Variants in PRR15 observed in about 807,000 individuals in gnomAD.
The protein encoded by PRR15 is proline rich 15.
PRR15 carries 4 observed loss-of-function variants against 3.0 expected under a neutral mutation model. The observed-to-expected ratio is 1.34, with a 90% CI of 0.66 to 3.08. The LOEUF (loss-of-function observed/expected upper bound fraction) is 3.08. Ranked by LOEUF, PRR15 falls within the 30% of genes most tolerant of loss-of-function variation. The probability of loss-of-function intolerance (pLI) is 0.01; values close to 1 mark genes in which losing one functional copy is unlikely to be tolerated. For synonymous variants in PRR15, 82 were observed against 79.8 expected (o/e 1.03, Z -0.14); for missense variants, 200 against 179.5 (o/e 1.11, Z -0.65).
rs1792897491 is a variant in PRR15, at chr7:29,566,187, C to T, written c.-143C>T. 4 of 1,011,164 alleles carry T rather than the reference C, an allele frequency of 4.0e-6. No individual in the cohort carries two copies. In the Admixed American group the frequency reaches 1.2e-4, roughly 29 times the overall value. The allele number at this position is 1,011,164 out of a possible 1,614,324, so 62.6% of individuals were successfully genotyped here. On this transcript the variant is annotated splice_region_variant and 5_prime_UTR_variant, in exon 2 of 2. Coordinates refer to ENST00000319694, the MANE Select transcript of PRR15 (RefSeq NM_175887.3). The stretch of plus-strand genomic sequence containing the variant: ...CCAAGTTTTGTTTTCTTCCCCAGCA[C>T]AGGCCGCTGCCTCAGCATCCACCCC...
At position 29,565,066 on chromosome 7, in the gene PRR15, G is replaced by T. The variant is rs1401052733; in HGVS notation, c.-146+689G>T. ...CGGAAACCTGGAAGTGAGCCGCGGC[G>T]CAGGCGAATCCTGCCGTTGCTGGTG... On this transcript the variant is annotated intron_variant, in intron 1 of 1. Coordinates refer to ENST00000319694, the MANE Select transcript of PRR15 (RefSeq NM_175887.3). Among the ~76,000 whole-genome samples the T allele has an allele frequency of 9.6e-5, 4 of 41,852 alleles. No homozygotes were observed. The Admixed American group carries it at 1.2e-3, about 12-fold the overall frequency. The allele number at this position is 41,852 out of a possible 152,430, so 27.5% of individuals were successfully genotyped here. A position where few individuals can be genotyped will look rare whatever the true frequency, so the allele number is the denominator to read the frequency against.
Position 29,566,356 on chromosome 7 carries a change from C to A in PRR15, c.27C>A (p.Ser9Arg). Residue 9 changes from serine (S) to arginine (R), a missense_variant, in exon 2 of 2, where the codon AGC becomes AGA. Coordinates refer to ENST00000319694, the MANE Select transcript of PRR15 (RefSeq NM_175887.3). ...TGGCCGACAGCGGCGATGCTGGCAGCTCCGGCCCCTGGTGGAAATCGCTCA... is the reference window on the plus strand; with the variant it reads ...TGGCCGACAGCGGCGATGCTGGCAGATCCGGCCCCTGGTGGAAATCGCTCA... Reference protein sequence around the residue: MADSGDAGSSGPWWKSLTN... With the variant: MADSGDAGRSGPWWKSLTN... The A allele has an allele frequency of 6.2e-7, 1 of 1,609,416 alleles. No homozygotes were observed.
At position 29,566,991 on chromosome 7, in the gene PRR15, CA is replaced by C. The variant is rs1792927305; in HGVS notation, c.*277del. On this transcript the variant is annotated 3_prime_UTR_variant, in exon 2 of 2. Coordinates refer to ENST00000319694, the MANE Select transcript of PRR15 (RefSeq NM_175887.3). The stretch of plus-strand genomic sequence containing the variant: ...GAGGGTGGCATAATTATTTTTTTTT[CA>C]AAAAGCTATTCTGGGGCCCTGGCCC... The C allele has an allele frequency of 2.9e-6, 1 of 345,232 alleles. No individual in the cohort carries two copies. The highest frequency in any genetic ancestry group is 5.4e-6 in the Non-Finnish European group (1 of 185,622). The allele number at this position is 345,232 out of a possible 1,614,324, so 21.4% of individuals were successfully genotyped here. A position where few individuals can be genotyped will look rare whatever the true frequency, so the allele number is the denominator to read the frequency against.
At chr7:29,564,426 CG>C in intron 1 of PRR15, 49 bp downstream of exon 1, 1 of 152,388 alleles carries the variant, frequency 6.6e-6, no homozygotes, top group South Asian at 2.1e-4. Flanking sequence ...AGCCTGGCCC[CG>C]GGGGTCACCC....
Position 29,567,091 on chromosome 7 carries a change from T to C in PRR15, c.*372T>C, listed in dbSNP as rs997787623. On this transcript the variant is annotated 3_prime_UTR_variant, in exon 2 of 2. Coordinates refer to ENST00000319694, the MANE Select transcript of PRR15 (RefSeq NM_175887.3). ...AGAAGGTGGCTGTTATTTAGGACTC[T>C]GTGGAAAGCAAATCACAGTGCTGTT... is the stretch of plus-strand genomic sequence containing the variant. 9.6e-6 allele frequency: 2 copies of C among 208,138 alleles called. No individual in the cohort carries two copies. The highest frequency in any genetic ancestry group is 6.0e-5 in the Admixed American group (1 of 16,598). 12.9% of individuals were successfully genotyped at this position (208,138 alleles called of 1,614,324 possible).
chr7:29,566,744 A>T lies in PRR15; in HGVS notation c.*25A>T, dbSNP rs1321442733. 6.6e-7 allele frequency: 1 copy of T among 1,523,004 alleles called. No individual in the cohort carries two copies. Among genetic ancestry groups the T allele is most frequent in the Admixed American group, 2.0e-5 (1 of 50,040 alleles). The allele number at this position is 1,523,004 out of a possible 1,614,324, so 94.3% of individuals were successfully genotyped here. On this transcript the variant is annotated 3_prime_UTR_variant, in exon 2 of 2. Coordinates refer to ENST00000319694, the MANE Select transcript of PRR15 (RefSeq NM_175887.3). ...GCCCCAATAGCCTGCGCGCTCCAGG[A>T]CTGCCTACCCAGCACTACCCCAAAC... is the stretch of plus-strand genomic sequence containing the variant.
At chr7:29,565,504 C>G (rs1378568068) in intron 1 of PRR15, 2 of 152,172 alleles carry the variant, frequency 1.3e-5, no homozygotes, top group Non-Finnish European at 2.9e-5. Flanking sequence ...TCTAGACATG[C>G]TTCTTTGAAA....
rs1446107043 is a variant in PRR15, at chr7:29,566,340, G to C, written c.11G>C (p.Ser4Thr). MAD[S>T]GDAGSSGPWW... Reference sequence around the variant, plus strand: ...CTAGGCCCTCCGGCCATGGCCGACAGCGGCGATGCTGGCAGCTCCGGCCCC... The same window carrying C: ...CTAGGCCCTCCGGCCATGGCCGACACCGGCGATGCTGGCAGCTCCGGCCCC... The change falls in exon 2 of 2, where the codon AGC becomes ACC. Residue 4 changes from serine to threonine, a missense_variant. Ser to Thr is a moderately conservative substitution (Grantham distance 58, BLOSUM62 1). Transcript: ENST00000319694. The C allele has an allele frequency of 6.2e-7, 1 of 1,608,026 alleles. No homozygotes were observed. The highest frequency in any genetic ancestry group is 8.5e-7 in the Non-Finnish European group (1 of 1,179,394).
intron 1 of PRR15, among the ~76,000 whole-genome samples, chr7:29,565,908 C>CCACTG (rs923694249): frequency 6.6e-6 from 1 of 152,212 alleles, no homozygotes; most frequent in Non-Finnish European, 1.5e-5. Context: ...GGCACGCTGA[C>CCACTG]CACTGCACTG....
intron 1 of PRR15, 70 bp from the exon 2 acceptor site, chr7:29,566,115 G>A (rs1372232968): frequency 1.6e-6 from 1 of 615,024 alleles, no homozygotes; most frequent in Non-Finnish European, 2.8e-6. Flanking sequence ...CAGCATAAGG[G>A]AGGAAAGGGG....
In PRR15 at chr7:29,566,432, G is replaced by A; in HGVS notation, c.103G>A (p.Ala35Thr). The change falls in exon 2 of 2, where the codon GCC becomes ACC. Residue 35 changes from alanine to threonine, a missense_variant. Physicochemically the swap from Ala to Thr is moderately conservative, Grantham distance 58 (BLOSUM62 0). Coordinates refer to ENST00000319694, the MANE Select transcript of PRR15 (RefSeq NM_175887.3). ...AGCCGCAGTGGGGGTGCCGCCTCCC[G>A]CCCAGCCCGCTCCCGGGGAGCCCAC... ...KEAAVGVPPP[A>T]QPAPGEPTPP... is the part of the protein sequence containing the mutation. The A allele has an allele frequency of 2.5e-6, 4 of 1,606,104 alleles. No individual in the cohort carries two copies. The highest frequency in any genetic ancestry group is 2.5e-6 in the Non-Finnish European group (3 of 1,176,752).
rs942417139 is a variant in PRR15, at chr7:29,566,410, C to A, written c.81C>A (p.Ala27=). The change falls in exon 2 of 2, where the codon GCC becomes GCA. Residue 27 remains alanine, a synonymous_variant. Transcript: ENST00000319694. ...ACAGCAGAAAGAAAAGCAAGGAAGC[C>A]GCAGTGGGGGTGCCGCCTCCCGCCC... ...LTNSRKKSKE[A]AVGVPPPAQP... 8.7e-6 allele frequency: 14 copies of A among 1,610,088 alleles called. No individual in the cohort carries two copies. Among genetic ancestry groups the A allele is most frequent in the Non-Finnish European group, 1.1e-5 (13 of 1,178,824 alleles).
chr7:29,563,984 T>A lies in PRR15; in HGVS notation c.-539T>A, dbSNP rs899490867. 3 of 152,222 alleles carry A rather than the reference T, an allele frequency of 2.0e-5. No homozygotes were observed. Among genetic ancestry groups the A allele is most frequent in the African/African-American group, 7.2e-5 (3 of 41,442 alleles). The allele number at this position is 152,222 out of a possible 1,614,324, so 9.4% of individuals were successfully genotyped here. A position where few individuals can be genotyped will look rare whatever the true frequency, so the allele number is the denominator to read the frequency against. On this transcript the variant is annotated 5_prime_UTR_variant, in exon 1 of 2. Coordinates refer to ENST00000319694, the MANE Select transcript of PRR15 (RefSeq NM_175887.3). Reference sequence around the variant, plus strand: ...CGGAGTGAACAGCCAGGGTCCCATCTCTCAGCCGGCTCCCGGGCGGTGCTA... The same window carrying A: ...CGGAGTGAACAGCCAGGGTCCCATCACTCAGCCGGCTCCCGGGCGGTGCTA...
In PRR15 at chr7:29,566,354, A is replaced by G. The variant is rs1792903428; in HGVS notation, c.25A>G (p.Ser9Gly). The change falls in exon 2 of 2, where the codon AGC becomes GGC. Residue 9 changes from serine to glycine, a missense_variant. Physicochemically the swap from Ser to Gly is moderately conservative, Grantham distance 56 (BLOSUM62 0). Transcript: ENST00000319694. ...CATGGCCGACAGCGGCGATGCTGGC[A>G]GCTCCGGCCCCTGGTGGAAATCGCT... MADSGDAG[S>G]SGPWWKSLTN... 1 of 1,609,290 alleles carries G rather than the reference A, an allele frequency of 6.2e-7. No homozygotes were observed. Among genetic ancestry groups the G allele is most frequent in the African/African-American group, 1.3e-5 (1 of 74,902 alleles).
At chr7:29,565,383 A>T (rs1192472609) in intron 1 of PRR15, 3 of 152,182 alleles carry the variant, frequency 2.0e-5, no homozygotes, top group Non-Finnish European at 4.4e-5. Flanking sequence ...AGGCCATTTG[A>T]TACTTGGCTT....
At position 29,566,655 on chromosome 7, in the gene PRR15, C is replaced by T. The variant is rs867479231; in HGVS notation, c.326C>T (p.Pro109Leu). ...AGGAAAGTGCGCGCCACGCTGCTCC[C>T]GGAGGCGGGCAGGTCCCCGGAGGAG... Reference protein sequence around the residue: ...EKRKVRATLLPEAGRSPEEAG... With the variant: ...EKRKVRATLLLEAGRSPEEAG... Residue 109 changes from proline (P) to leucine (L), a missense_variant, in exon 2 of 2, where the codon CCG becomes CTG. Physicochemically the swap from Pro to Leu is moderately conservative, Grantham distance 98 (BLOSUM62 -3). Coordinates refer to ENST00000319694, the MANE Select transcript of PRR15 (RefSeq NM_175887.3). The T allele has an allele frequency of 5.8e-5, 92 of 1,581,830 alleles. No homozygotes were observed. The highest frequency in any genetic ancestry group is 7.8e-5 in the Non-Finnish European group (91 of 1,164,516).
chr7:29,565,597 T>C (rs1174951973), intron 1 of PRR15: 1 of 152,220 alleles, frequency 6.6e-6, no homozygotes, highest in Non-Finnish European at 1.5e-5. Context: ...CCTACTGGGA[T>C]ATAAATTCTC....
In PRR15 at chr7:29,565,401, A is replaced by T. The variant is rs1792872794; in HGVS notation, c.-145-784A>T. 7 of 152,360 alleles carry T rather than the reference A, an allele frequency of 4.6e-5. No individual in the cohort carries two copies. The South Asian group carries it at 1.5e-3, about 32-fold the overall frequency. 9.4% of individuals were successfully genotyped at this position (152,360 alleles called of 1,614,324 possible). Reference sequence around the variant, plus strand: ...CCATTTGATACTTGGCTTCATCTCAACCGTCAGCCGGGGGTGACTTCAAAC... The same window carrying T: ...CCATTTGATACTTGGCTTCATCTCATCCGTCAGCCGGGGGTGACTTCAAAC... On this transcript the variant is annotated intron_variant, in intron 1 of 1. Coordinates refer to ENST00000319694, the MANE Select transcript of PRR15 (RefSeq NM_175887.3).
Position 29,566,803 on chromosome 7 carries a change from C to A in PRR15, c.*84C>A. The A allele has an allele frequency of 7.6e-7, 1 of 1,313,304 alleles. No homozygotes were observed. Among genetic ancestry groups the A allele is most frequent in the Non-Finnish European group, 1.0e-6 (1 of 976,170 alleles). The allele number at this position is 1,313,304 out of a possible 1,614,324, so 81.4% of individuals were successfully genotyped here. A position where few individuals can be genotyped will look rare whatever the true frequency, so the allele number is the denominator to read the frequency against. ...CCAAACCCGAGACTTCAGGCCCGCC[C>A]CCTTACGCGTTGTCTCATTCCACCA... On this transcript the variant is annotated 3_prime_UTR_variant, in exon 2 of 2. Coordinates refer to ENST00000319694, the MANE Select transcript of PRR15 (RefSeq NM_175887.3).
Sources: allele counts gnomAD v4.1 joint callset (sites outside exome capture counted in the v4.1 genomes callset), GRCh38; gene constraint gnomAD v4.1.1; transcripts MANE v1.5; gene names NCBI Gene and HGNC (gene_info 2026-07-23, HGNC 2026-07-21).